Variants in AGBL1 observed in about 807,000 individuals in gnomAD.
The protein encoded by AGBL1 is AGBL carboxypeptidase 1, also known as cytosolic carboxypeptidase 4.
A neutral mutation model predicts 118.9 loss-of-function variants in AGBL1; 130 were observed. That is an observed-to-expected ratio of 1.09 (90% CI 0.95 to 1.26). AGBL1 has a LOEUF of 1.26. Among genes scored for constraint, AGBL1 ranks in the 50% most tolerant of loss-of-function variants. The pLI, the probability that AGBL1 is intolerant of heterozygous loss-of-function variation, is 0.00. For synonymous variants in AGBL1, 555 were observed against 478.9 expected, an observed-to-expected ratio of 1.16 and a Z score of -2.08; for missense variants, 1,584 against 1,298.1, an observed-to-expected ratio of 1.22 and a Z score of -3.38.
At chr15:86,965,289 A>T (rs1163091028) in intron 23 of AGBL1, among the ~76,000 whole-genome samples, 1 of 152,112 alleles carries the variant, frequency 6.6e-6, no homozygotes, top group East Asian at 1.9e-4. Flanking sequence ...CCTCTCCAGC[A>T]TCTGCTGTTT....
At chr15:86,524,163 A>G (rs2083228991) in intron 19 of AGBL1, among the ~76,000 whole-genome samples, 1 of 152,218 alleles carries the variant, frequency 6.6e-6, no homozygotes, top group Non-Finnish European at 1.5e-5. Context: ...TTTCAATGAG[A>G]TCACCCAGAG....
intron 2 of AGBL1, among the ~76,000 whole-genome samples, chr15:86,143,120 G>T (rs540484124): frequency 2.0e-5 from 3 of 152,294 alleles, no homozygotes; most frequent in Non-Finnish European, 2.9e-5. Context: ...AAGACCAATA[G>T]TTCGTCATAG....
intron 1 of AGBL1, among the ~76,000 whole-genome samples, chr15:86,114,497 C>T (rs1167375553): frequency 6.6e-6 from 1 of 152,198 alleles, no homozygotes; most frequent in Admixed American, 6.5e-5. Flanking sequence ...AACTTAGCTC[C>T]TTATGGCCCA....
chr15:86,643,163 C>T (rs1261598526), intron 21 of AGBL1, among the ~76,000 whole-genome samples: 1 of 152,048 alleles, frequency 6.6e-6, no homozygotes, highest in Non-Finnish European at 1.5e-5. Flanking sequence ...GGGCTGGCTC[C>T]TTATAAGCTC....
intron 22 of AGBL1, among the ~76,000 whole-genome samples, chr15:86,824,906 A>T (rs577934661): frequency 6.6e-6 from 1 of 152,096 alleles, no homozygotes; most frequent in African/African-American, 2.4e-5. Flanking sequence ...CAAAATACAA[A>T]AATAGCTGGG....
At position 86,264,513 on chromosome 15, in the gene AGBL1, A is replaced by G. The variant is rs200161522; in HGVS notation, c.1342A>G (p.Arg448Gly). 1,086 of 1,614,088 alleles carry G rather than the reference A, an allele frequency of 6.7e-4. 15 individuals carry two copies. In the South Asian group the frequency reaches 0.011, roughly 17 times the overall value. Reference sequence around the variant, plus strand: ...CCAAAATGTGCAATCCAATAGTCTCAGGAGAGATTCTTCTGAAAGTGAAAT... The same window carrying G: ...CCAAAATGTGCAATCCAATAGTCTCGGGAGAGATTCTTCTGAAAGTGAAAT... ...LYQNVQSNSL[R>G]RDSSESEIPD... Residue 448 changes from arginine to glycine, a missense_variant, in exon 11 of 23, where the codon AGG becomes GGG. Physicochemically the swap from Arg to Gly is moderately radical, Grantham distance 125. Transcript: ENST00000614907.
chr15:86,533,296 G>A (rs2083376091), intron 19 of AGBL1, among the ~76,000 whole-genome samples: 1 of 129,984 alleles, frequency 7.7e-6, no homozygotes, highest in African/African-American at 3.2e-5. Flanking sequence ...CAAAAAGTGG[G>A]CGAAGGACAT....
rs755150521 is a variant in AGBL1 at position 86,397,555 on chromosome 15, G to C, written c.2555+9G>C. The C allele has an allele frequency of 6.3e-7, 1 of 1,597,028 alleles. No individual in the cohort carries two copies. The highest frequency in any genetic ancestry group is 1.1e-5 in the South Asian group (1 of 88,596). On this transcript the variant is annotated intron_variant, in intron 18 of 22. Coordinates refer to ENST00000614907, the MANE Select transcript of AGBL1 (RefSeq NM_001386094.1). ...GGTGTCATCAACGGCAAGTATGTCA[G>C]GCACCTGGCTCAGCCAAACCCACAA... is the stretch of plus-strand genomic sequence containing the variant.
At chr15:86,949,289 G>C (rs1346578400) in intron 23 of AGBL1, among the ~76,000 whole-genome samples, 1 of 152,106 alleles carries the variant, frequency 6.6e-6, no homozygotes, top group African/African-American at 2.4e-5. Context: ...TCTGTTTGAA[G>C]ACATCAGAAA....
chr15:86,237,432 C>A (rs565356336), intron 6 of AGBL1, among the ~76,000 whole-genome samples: 1 of 152,130 alleles, frequency 6.6e-6, no homozygotes, highest in Non-Finnish European at 1.5e-5. Context: ...GGTGGACAGA[C>A]GGGTGCCTTA....
intron 18 of AGBL1, among the ~76,000 whole-genome samples, chr15:86,484,820 C>G (rs967928370): frequency 6.6e-6 from 1 of 152,108 alleles, no homozygotes; most frequent in African/African-American, 2.4e-5. Flanking sequence ...GCTATGAGAA[C>G]TTTTTCAAAA....
intron 23 of AGBL1, among the ~76,000 whole-genome samples, chr15:86,969,913 C>G (rs745776147): frequency 6.6e-5 from 10 of 151,958 alleles, no homozygotes; most frequent in East Asian, 1.9e-4. Flanking sequence ...TAAACATCAG[C>G]AAAAATAGAG....
chr15:86,763,871 A>G lies in AGBL1; in HGVS notation c.3158+89435A>G, dbSNP rs936988793. ...GTTCCTTCTTGTGGAATATTTATGGAATAGTTGAGCTTATTGTAAAGAGAC... is the reference window on the plus strand; with the variant it reads ...GTTCCTTCTTGTGGAATATTTATGGGATAGTTGAGCTTATTGTAAAGAGAC... On this transcript the variant is annotated intron_variant, in intron 22 of 22. Transcript: ENST00000614907. Among the ~76,000 whole-genome samples the G allele has an allele frequency of 3.9e-5, 6 of 151,998 alleles. No individual in the cohort carries two copies. In the East Asian group the frequency reaches 1.2e-3, roughly 29 times the overall value.
intron 21 of AGBL1, among the ~76,000 whole-genome samples, chr15:86,577,946 G>C (rs1596283990): frequency 6.6e-6 from 1 of 152,214 alleles, no homozygotes; most frequent in Non-Finnish European, 1.5e-5. Context: ...CTTCTGCTAG[G>C]GTAGTGTGGA....
intron 14 of AGBL1, 31 bp downstream of exon 14, chr15:86,270,098 G>A (rs968413464): frequency 2.5e-6 from 4 of 1,591,464 alleles, no homozygotes; most frequent in African/African-American, 2.7e-5. Context: ...GGGGCTTTCT[G>A]GAACATGCCA....
chr15:86,104,327 C>T (rs1195345084), intron 1 of AGBL1, among the ~76,000 whole-genome samples: 2 of 152,136 alleles, frequency 1.3e-5, no homozygotes, highest in East Asian at 1.9e-4. Context: ...TGTGTCATGG[C>T]CCTGCTGTTG....
chr15:86,192,311 A>G (rs990443634), intron 5 of AGBL1, among the ~76,000 whole-genome samples: 12 of 149,976 alleles, frequency 8.0e-5, no homozygotes, highest in South Asian at 2.1e-4. Flanking sequence ...GCATTTTATT[A>G]TATATTTATA....
intron 21 of AGBL1, among the ~76,000 whole-genome samples, chr15:86,635,564 G>A (rs2142450605): frequency 6.6e-6 from 1 of 151,884 alleles, no homozygotes; most frequent in Non-Finnish European, 1.5e-5. Context: ...GGACGTTTAA[G>A]GATCCTGATG....
At chr15:86,957,971 G>A (rs1462024190) in intron 23 of AGBL1, among the ~76,000 whole-genome samples, 1 of 151,986 alleles carries the variant, frequency 6.6e-6, no homozygotes, top group Non-Finnish European at 1.5e-5. Context: ...AGAGGCCAAG[G>A]CAGAAGGATC....
Sources: allele counts gnomAD v4.1 joint callset (sites outside exome capture counted in the v4.1 genomes callset), GRCh38; gene constraint gnomAD v4.1.1; transcripts MANE v1.5; gene names NCBI Gene and HGNC (gene_info 2026-07-23, HGNC 2026-07-21).